The following NUP42 variants were observed in gnomAD, a reference collection of about 807,000 sequenced individuals.
The protein encoded by NUP42 is nucleoporin 42, also known as nucleoporin NUP42.
Under a neutral mutation model 35.9 loss-of-function variants are expected in NUP42, and 47 were observed. The ratio of observed to expected loss-of-function variants is 1.31; its 90% CI spans 1.04 to 1.67. The LOEUF (loss-of-function observed/expected upper bound fraction) is 1.67, where lower values mean the gene tolerates loss of function less well. Ranked by LOEUF, NUP42 falls within the 40% of genes most tolerant of loss-of-function variation. The pLI, the probability that NUP42 is intolerant of heterozygous loss-of-function variation, is 0.00. For synonymous variants in NUP42, 173 were observed against 173.3 expected, an observed-to-expected ratio of 1.00 and a Z score of 0.01; for missense variants, 514 against 492.2, an observed-to-expected ratio of 1.04 and a Z score of -0.42.
At chr7:23,194,503 G>A (rs1562608935) in intron 3 of NUP42, 1 of 152,504 alleles carries the variant, frequency 6.6e-6, no homozygotes, top group Non-Finnish European at 1.5e-5. Flanking sequence ...TCGGATTATA[G>A]GCATATGCCA....
rs1376840745 is a variant in NUP42 at position 23,186,328 on chromosome 7, TTAAGTAAATGAG to T, written c.351-723_351-712del. Among the ~76,000 whole-genome samples, 14 of 152,322 alleles carry T rather than the reference TTAAGTAAATGAG, an allele frequency of 9.2e-5. No individual in the cohort carries two copies. In the South Asian group the frequency reaches 2.9e-3, roughly 32 times the overall value. On this transcript the variant is annotated intron_variant, in intron 2 of 6. Transcript: ENST00000258742. ...TATACCATATACAACCGATTTTTTTTTAAGTAAATGAGCAAACAAAACCTTCCTTTCTGCATT... is the reference window on the plus strand; with the variant it reads ...TATACCATATACAACCGATTTTTTTTCAAACAAAACCTTCCTTTCTGCATT...
rs1429376986 is a variant in NUP42 at position 23,200,657 on chromosome 7, T to G, written c.1184T>G (p.Val395Gly). The change falls in exon 7 of 7, where the codon GTA becomes GGA. Residue 395 changes from valine (V) to glycine (G), a missense_variant. Physicochemically the swap from Val to Gly is moderately radical, Grantham distance 109. Transcript: ENST00000258742. ...TTCACACCCAGAGATAAACTAACAG[T>G]AGAAGAACTGGAACAATTTCAATCC... is the stretch of plus-strand genomic sequence containing the variant. Reference protein sequence around the residue: ...VLFTPRDKLTVEELEQFQSKK... With the variant: ...VLFTPRDKLTGEELEQFQSKK... The G allele has an allele frequency of 6.2e-7, 1 of 1,613,432 alleles. No homozygotes were observed. The highest frequency in any genetic ancestry group is 8.5e-7 in the Non-Finnish European group (1 of 1,179,838).
In NUP42 at chr7:23,189,092, G is replaced by T. The variant is rs140199851; in HGVS notation, c.445+1946G>T. 5.9e-3 allele frequency among the ~76,000 whole-genome samples: 903 copies of T among 152,294 alleles called. 6 individuals carry two copies. Among genetic ancestry groups the T allele is most frequent in the Middle Eastern group, 0.017 (5 of 294 alleles). ...ATGCCCAAGTGTGATGAACAATCTT[G>T]TGTAATTGTTCAAGTTGGACTGAGC... On this transcript the variant is annotated intron_variant, in intron 3 of 6. Transcript: ENST00000258742.
intron 3 of NUP42, among the ~76,000 whole-genome samples, chr7:23,193,176 G>A (rs1785868170): frequency 6.6e-6 from 1 of 152,158 alleles, no homozygotes; most frequent in Non-Finnish European, 1.5e-5. Flanking sequence ...GCTCATAAAG[G>A]CAATGTGGAC....
intron 3 of NUP42, among the ~76,000 whole-genome samples, chr7:23,193,851 C>G (rs527780768): frequency 2.8e-4 from 42 of 152,356 alleles, no homozygotes; most frequent in Admixed American, 8.5e-4. Context: ...TCAGGCATGG[C>G]GGGCTGCAGG....
At chr7:23,187,311 G>C in intron 3 of NUP42, 165 bp downstream of exon 3, 1 of 536,592 alleles carries the variant, frequency 1.9e-6, no homozygotes, top group Non-Finnish European at 3.3e-6. Flanking sequence ...ATAATTTAGA[G>C]ATTAAGGTTG....
At chr7:23,196,093 A>G in intron 4 of NUP42, 178 bp downstream of exon 4, 1 of 346,598 alleles carries the variant, frequency 2.9e-6, no homozygotes, top group South Asian at 1.1e-4. Context: ...AAATGATAAT[A>G]TATTTTTACT....
At chr7:23,192,873 G>A (rs1218604887) in intron 3 of NUP42, among the ~76,000 whole-genome samples, 2 of 152,210 alleles carry the variant, frequency 1.3e-5, no homozygotes, top group Non-Finnish European at 2.9e-5. Flanking sequence ...GAATTGGTGG[G>A]TTCTTGGTCT....
chr7:23,183,754 TAAAAAAAAAAA>T (rs571597955), intron 1 of NUP42, among the ~76,000 whole-genome samples: 2 of 82,066 alleles, frequency 2.4e-5, no homozygotes, highest in African/African-American at 4.2e-5. Context: ...AAAAGCAATG[TAAAAAAAAAAA>T]AAAAAAAAAA....
chr7:23,182,278 G>A, intron 1 of NUP42, 72 bp downstream of exon 1: 1 of 1,533,506 alleles, frequency 6.5e-7, no homozygotes, highest in Non-Finnish European at 8.8e-7. Flanking sequence ...GGCGTCCCGC[G>A]TGTTTCCCGC....
intron 5 of NUP42, among the ~76,000 whole-genome samples, chr7:23,198,957 T>G (rs561651530): frequency 2.8e-4 from 42 of 152,376 alleles, no homozygotes; most frequent in African/African-American, 8.9e-4. Context: ...CAGCCAGAGA[T>G]AATCACTGTT....
intron 1 of NUP42, among the ~76,000 whole-genome samples, chr7:23,183,092 G>A (rs1785471859): frequency 6.6e-6 from 1 of 152,044 alleles, no homozygotes; most frequent in Non-Finnish European, 1.5e-5. Context: ...TAGTCCCTGG[G>A]CCTAGATCAT....
At position 23,189,995 on chromosome 7, in the gene NUP42, T is replaced by C. The variant is rs1785736777; in HGVS notation, c.445+2849T>C. Among the ~76,000 whole-genome samples, 3 of 152,170 alleles carry C rather than the reference T, an allele frequency of 2.0e-5. No homozygotes were observed. In the South Asian group the frequency reaches 6.2e-4, roughly 31 times the overall value. On this transcript the variant is annotated intron_variant, in intron 3 of 6. Transcript: ENST00000258742. ...TTCTGCATAACTCAGTGAACTGGCA[T>C]TTTTCAAATGACTTATATGTGATAT...
At chr7:23,192,665 C>G (rs1365100300) in intron 3 of NUP42, among the ~76,000 whole-genome samples, 1 of 151,776 alleles carries the variant, frequency 6.6e-6, no homozygotes, top group African/African-American at 2.4e-5. Flanking sequence ...TGTTGAGTAG[C>G]AGAGGGATAG....
intron 2 of NUP42, among the ~76,000 whole-genome samples, chr7:23,186,840 C>T (rs1785611417): frequency 6.6e-6 from 1 of 152,106 alleles, no homozygotes; most frequent in Non-Finnish European, 1.5e-5. Context: ...AAGCCAAACT[C>T]ATTAACTTCT....
intron 3 of NUP42, chr7:23,188,167 G>T: frequency 7.7e-7 from 1 of 1,298,124 alleles, no homozygotes; most frequent in South Asian, 2.6e-5. Flanking sequence ...CAATATCGCA[G>T]AACCTTGGGA....
rs531960291 is a variant in NUP42 at position 23,200,860 on chromosome 7, A to G, written c.*115A>G. The stretch of plus-strand genomic sequence containing the variant: ...TCATAAGGAATATAAGCTTCCATCA[A>G]TAGTGATTTTAAATTTGATTTTTTT... On this transcript the variant is annotated 3_prime_UTR_variant, in exon 7 of 7. Coordinates refer to ENST00000258742, the MANE Select transcript of NUP42 (RefSeq NM_007342.3). 1.2e-4 allele frequency: 64 copies of G among 517,768 alleles called. No homozygotes were observed. Among genetic ancestry groups the G allele is most frequent in the African/African-American group, 9.9e-4 (50 of 50,632 alleles). 32.1% of individuals were successfully genotyped at this position (517,768 alleles called of 1,614,324 possible).
rs140086299 is a variant in NUP42 at position 23,193,326 on chromosome 7, G to A, written c.446-2513G>A. Among the ~76,000 whole-genome samples the A allele has an allele frequency of 6.2e-3, 950 of 152,216 alleles. 11 individuals are homozygous for A. The highest frequency in any genetic ancestry group is 0.02 in the African/African-American group (832 of 41,526). ...TCTCTTATCTGGCCCCACCCACATCGTGCTGATTGGTTCATTTTACAGAGA... is the reference window on the plus strand; with the variant it reads ...TCTCTTATCTGGCCCCACCCACATCATGCTGATTGGTTCATTTTACAGAGA... On this transcript the variant is annotated intron_variant, in intron 3 of 6. Transcript: ENST00000258742.
At position 23,182,164 on chromosome 7, in the gene NUP42, G is replaced by A. The variant is rs534089410; in HGVS notation, c.79G>A (p.Gly27Ser). The A allele has an allele frequency of 1.1e-5, 18 of 1,614,068 alleles. No individual in the cohort carries two copies. The South Asian group carries it at 1.8e-4, about 16-fold the overall frequency. The change falls in exon 1 of 7, where the codon GGT (glycine) becomes AGT (serine). Residue 27 changes from glycine to serine, a missense_variant. Coordinates refer to ENST00000258742, the MANE Select transcript of NUP42 (RefSeq NM_007342.3). ...CTGGAACGAACATCCCGGTGCTAGG[G>A]GTGCAGGAGGAGGACGGCAGCAACC... The part of the protein sequence containing the change: ...RCWNEHPGAR[G>S]AGGGRQQPQQ...
Sources: allele counts gnomAD v4.1 joint callset (sites outside exome capture counted in the v4.1 genomes callset), GRCh38; gene constraint gnomAD v4.1.1; transcripts MANE v1.5; gene names NCBI Gene and HGNC (gene_info 2026-07-23, HGNC 2026-07-21).